ITFG1: variants seen among roughly 807,000 people sequenced by gnomAD.
ITFG1 encodes T-cell immunomodulatory protein.
A neutral mutation model predicts 81.8 loss-of-function variants in ITFG1; 34 were observed. The ratio of observed to expected loss-of-function variants is 0.42; its 90% CI spans 0.32 to 0.55. The LOEUF is 0.55. Among genes scored for constraint, ITFG1 ranks in the 20% least tolerant of loss-of-function variants. The pLI is 0.17. For synonymous variants in ITFG1, 285 were observed against 270.6 expected (o/e 1.05, Z -0.52); for missense variants, 672 against 755.4 (o/e 0.89, Z 1.29).
At chr16:47,169,648 A>G (rs1188166921) in intron 14 of ITFG1, among the ~76,000 whole-genome samples, 1 of 152,138 alleles carries the variant, frequency 6.6e-6, no homozygotes, top group Non-Finnish European at 1.5e-5. Context: ...ATCATTTTGC[A>G]TGTTCCTAAT....
rs142142420 is a variant in ITFG1, at chr16:47,395,460, A to C, written c.656-19520T>G. On this transcript the variant is annotated intron_variant, in intron 6 of 17. Transcript: ENST00000320640. ...AAACATCTGGCAGGTCACACTGTTT[A>C]ATCATGTTTCATGCCTAGGCAAAAA... Among the ~76,000 whole-genome samples the C allele has an allele frequency of 7.5e-3, 1,144 of 152,350 alleles. 19 individuals are homozygous for C. The highest frequency in any genetic ancestry group is 0.026 in the African/African-American group (1,084 of 41,584).
At chr16:47,400,108 T>C (rs938527582) in intron 6 of ITFG1, among the ~76,000 whole-genome samples, 10 of 152,306 alleles carry the variant, frequency 6.6e-5, no homozygotes, top group Admixed American at 4.6e-4. Context: ...TGGTCAGTGG[T>C]AGAATCAGGA....
chr16:47,162,601 C>T lies in ITFG1; in HGVS notation c.1517G>A (p.Gly506Asp), dbSNP rs1359271132. ...LQLPYNVLGLGRSANFLDHLY... is the reference protein window; with the variant it reads ...LQLPYNVLGLDRSANFLDHLY... ...ATGGTCAAGAAAATTTGCGCTCCGA[C>T]CTAAACCAAGCACGTTGTATGGTAG... The change falls in exon 15 of 18, where the codon GGT (glycine) becomes GAT (aspartate). Residue 506 changes from glycine to aspartate, a missense_variant. Gly to Asp is a moderately conservative substitution (Grantham distance 94). This residue lies in a region of ITFG1 where 560 missense variants were observed against 625.7 expected (regional missense o/e 0.90). Coordinates refer to ENST00000320640, the MANE Select transcript of ITFG1 (RefSeq NM_030790.5). The T allele has an allele frequency of 1.2e-6, 2 of 1,612,600 alleles. No homozygotes were observed. Among genetic ancestry groups the T allele is most frequent in the Non-Finnish European group, 1.7e-6 (2 of 1,179,202 alleles).
intron 2 of ITFG1, among the ~76,000 whole-genome samples, chr16:47,456,009 G>A (rs1969448332): frequency 1.3e-5 from 2 of 151,966 alleles, no homozygotes; most frequent in Admixed American, 1.3e-4. Context: ...AGCTCCCAAG[G>A]ATAGAGGCCT....
chr16:47,164,416 C>A (rs1964859485), intron 14 of ITFG1, among the ~76,000 whole-genome samples: 2 of 152,170 alleles, frequency 1.3e-5, no homozygotes. Context: ...TGAAGGCATG[C>A]CTTCAAAGTT....
rs1021633224 is a variant in ITFG1 at position 47,350,016 on chromosome 16, T to C, written c.802+15772A>G. Among the ~76,000 whole-genome samples the C allele has an allele frequency of 5.9e-5, 9 of 152,004 alleles. No homozygotes were observed. The East Asian group carries it at 7.7e-4, about 13-fold the overall frequency. On this transcript the variant is annotated intron_variant, in intron 8 of 17. Coordinates refer to ENST00000320640, the MANE Select transcript of ITFG1 (RefSeq NM_030790.5). ...AAATAAAGATGTTCTTTGAAACCAA[T>C]GAGAACAAAGACACAACATACCAGA...
At chr16:47,349,778 C>T (rs924450895) in intron 8 of ITFG1, among the ~76,000 whole-genome samples, 9 of 152,228 alleles carry the variant, frequency 5.9e-5, no homozygotes, top group Non-Finnish European at 8.8e-5. Flanking sequence ...CACCACACCA[C>T]ACCTATTCCA....
intron 5 of ITFG1, among the ~76,000 whole-genome samples, chr16:47,434,853 G>C (rs921677549): frequency 1.3e-5 from 2 of 152,196 alleles, no homozygotes; most frequent in Non-Finnish European, 2.9e-5. Flanking sequence ...GCCATAAAAA[G>C]AATGAGATCA....
intron 6 of ITFG1, among the ~76,000 whole-genome samples, chr16:47,382,346 T>C (rs1968405905): frequency 6.6e-6 from 1 of 152,238 alleles, no homozygotes; most frequent in Non-Finnish European, 1.5e-5. Context: ...GAAACGTGCT[T>C]GAATTGTTCC....
At chr16:47,267,744 TAACA>T (rs1966293707) in intron 10 of ITFG1, among the ~76,000 whole-genome samples, 1 of 152,086 alleles carries the variant, frequency 6.6e-6, no homozygotes. Flanking sequence ...GGGAAAGCAA[TAACA>T]GTTATTTCAA....
At chr16:47,309,061 A>G (rs1027906816) in intron 10 of ITFG1, among the ~76,000 whole-genome samples, 1 of 151,354 alleles carries the variant, frequency 6.6e-6, no homozygotes, top group African/African-American at 2.4e-5. Flanking sequence ...CATTATTAAC[A>G]TAACTTCTTT....
intron 5 of ITFG1, among the ~76,000 whole-genome samples, chr16:47,435,090 C>T (rs542903617): frequency 4.6e-5 from 7 of 152,100 alleles, no homozygotes; most frequent in African/African-American, 1.7e-4. Context: ...GAGCTTAATA[C>T]CTAGGTGATG....
chr16:47,347,132 G>A (rs1361530076), intron 8 of ITFG1, among the ~76,000 whole-genome samples: 5 of 152,240 alleles, frequency 3.3e-5, no homozygotes. Flanking sequence ...ACAGAAGACG[G>A]GTGATTTCTG....
chr16:47,349,849 T>C, intron 8 of ITFG1, among the ~76,000 whole-genome samples: 1 of 152,140 alleles, frequency 6.6e-6, no homozygotes, highest in African/African-American at 2.4e-5. Context: ...ACAGAAATTA[T>C]AACAAACTGT....
chr16:47,327,720 A>C (rs1013990636), intron 8 of ITFG1, among the ~76,000 whole-genome samples: 4 of 152,254 alleles, frequency 2.6e-5, no homozygotes, highest in African/African-American at 9.6e-5. Flanking sequence ...AAAACACATG[A>C]AAAAATGCTC....
chr16:47,365,798 A>C lies in ITFG1; in HGVS notation c.792T>G (p.Phe264Leu), dbSNP rs764546999. ...QNMMVVGQSA[F>L]ADFDGDGHMD... is the part of the protein sequence containing the mutation. ...TTTACCAAATCTTACCAAAGTCTGC[A>C]AATGCTGACTGTCCAACCACCATCA... Residue 264 changes from phenylalanine to leucine, a missense_variant, in exon 8 of 18, where the codon TTT becomes TTG. Coordinates refer to ENST00000320640, the MANE Select transcript of ITFG1 (RefSeq NM_030790.5). The C allele has an allele frequency of 8.8e-6, 14 of 1,592,010 alleles. 1 individual carries two copies. The South Asian group carries it at 1.6e-4, about 18-fold the overall frequency.
chr16:47,167,096 G>T (rs915350694), intron 14 of ITFG1, among the ~76,000 whole-genome samples: 1 of 152,060 alleles, frequency 6.6e-6, no homozygotes, highest in Admixed American at 6.6e-5. Context: ...ACAACACCCT[G>T]TACTCCCCCA....
At chr16:47,176,879 TA>T (rs1277715920) in intron 14 of ITFG1, among the ~76,000 whole-genome samples, 2 of 152,210 alleles carry the variant, frequency 1.3e-5, no homozygotes, top group Admixed American at 1.3e-4. Context: ...AATTAAAAAA[TA>T]CACTATCACT....
chr16:47,188,337 A>G (rs557178773), intron 14 of ITFG1, among the ~76,000 whole-genome samples: 13 of 152,200 alleles, frequency 8.5e-5, no homozygotes, highest in Non-Finnish European at 1.8e-4. Flanking sequence ...GGCATTATTC[A>G]CTATAGCAAA....
Sources: gnomAD v4.1 joint callset for allele counts (sites outside exome capture counted in the v4.1 genomes callset) on GRCh38, gnomAD v4.1.1 for gene constraint, gnomAD v4.1.1 regional missense constraint, MANE v1.5 for transcripts, NCBI Gene and HGNC (gene_info 2026-07-23, HGNC 2026-07-21) for gene names.